Variants in AGFG2 observed in about 807,000 individuals in gnomAD.
The protein encoded by AGFG2 is ArfGAP with FG repeats 2.
Under a neutral mutation model 48.0 loss-of-function variants are expected in AGFG2, and 31 were observed. That is an observed-to-expected ratio of 0.65 (90% CI 0.49 to 0.87). AGFG2 has a LOEUF of 0.87. Ranked by LOEUF, AGFG2 falls within the 40% of genes least tolerant of loss-of-function variation. The pLI is 0.00. For missense variants in AGFG2, 599 were observed against 632.6 expected (o/e 0.95, Z 0.57); for synonymous variants, 229 against 260.8 (o/e 0.88, Z 1.18).
intron 1 of AGFG2, among the ~76,000 whole-genome samples, chr7:100,547,421 A>G (rs1326517637): frequency 6.8e-6 from 1 of 147,310 alleles, no homozygotes; most frequent in East Asian, 2.0e-4. Context: ...TTTTTTTTCC[A>G]TGAGAGTAAA....
chr7:100,563,750 C>G (rs1800932556), intron 9 of AGFG2, 84 bp from the exon 10 acceptor site: 1 of 1,571,698 alleles, frequency 6.4e-7, no homozygotes, highest in Non-Finnish European at 8.6e-7. Context: ...ATCCCATTTT[C>G]CCATCTTGGA....
chr7:100,553,386 C>T lies in AGFG2; in HGVS notation c.471C>T (p.Thr157=), dbSNP rs768643907. ...ACCAAGTCAAGGGGCCCACTTATACCAAAGGCAGTGCCTCCACCCCTGTGC... is the reference window on the plus strand; with the variant it reads ...ACCAAGTCAAGGGGCCCACTTATACTAAAGGCAGTGCCTCCACCCCTGTGC... ...PPDQVKGPTY[T]KGSASTPVQG... is the part of the protein sequence containing the mutation. Residue 157 remains threonine, a synonymous_variant, in exon 4 of 12, where the codon ACC becomes ACT. Transcript: ENST00000300176. 1 of 1,614,186 alleles carries T rather than the reference C, an allele frequency of 6.2e-7. No homozygotes were observed. Among genetic ancestry groups the T allele is most frequent in the Non-Finnish European group, 8.5e-7 (1 of 1,180,040 alleles).
intron 1 of AGFG2, among the ~76,000 whole-genome samples, chr7:100,543,968 T>C (rs1177717845): frequency 6.6e-6 from 1 of 152,262 alleles, no homozygotes; most frequent in African/African-American, 2.4e-5. Flanking sequence ...ACATTTCTAA[T>C]TCTTGGAGGA....
chr7:100,556,385 C>T (rs1168210512), intron 6 of AGFG2: 1 of 243,776 alleles, frequency 4.1e-6, no homozygotes, highest in African/African-American at 2.3e-5. Flanking sequence ...CTCTTCAGGC[C>T]TTCTTAAAGC....
intron 5 of AGFG2, 35 bp downstream of exon 5, chr7:100,554,293 C>T (rs1410952032): frequency 3.2e-6 from 5 of 1,582,070 alleles, no homozygotes; most frequent in Admixed American, 1.8e-5. Flanking sequence ...CTCCCTACAG[C>T]GTATATGCTT....
chr7:100,554,377 C>T, intron 5 of AGFG2, 119 bp downstream of exon 5: 1 of 1,293,070 alleles, frequency 7.7e-7, no homozygotes, highest in Non-Finnish European at 1.0e-6. Flanking sequence ...GTGAGGGTCA[C>T]TCTGAAGCAG....
In AGFG2 at chr7:100,564,995, T is replaced by C; in HGVS notation, c.*4T>C. ...AACCACCAACCCCTTCTTGTAGCACTGTGTTTTTGGGGGGCCTCTTCCCTG... is the reference window on the plus strand; with the variant it reads ...AACCACCAACCCCTTCTTGTAGCACCGTGTTTTTGGGGGGCCTCTTCCCTG... On this transcript the variant is annotated 3_prime_UTR_variant, in exon 12 of 12. Coordinates refer to ENST00000300176, the MANE Select transcript of AGFG2 (RefSeq NM_006076.5). 1.1e-5 allele frequency: 18 copies of C among 1,613,712 alleles called. No individual in the cohort carries two copies. Among genetic ancestry groups the C allele is most frequent in the Non-Finnish European group, 1.5e-5 (18 of 1,179,840 alleles).
chr7:100,558,145 C>T (rs1416447914), intron 6 of AGFG2, among the ~76,000 whole-genome samples: 3 of 152,070 alleles, frequency 2.0e-5, no homozygotes, highest in Non-Finnish European at 4.4e-5. Flanking sequence ...ACCCGGGAGG[C>T]GGAGGTTGCA....
At chr7:100,548,712 T>G (rs1448367626) in intron 1 of AGFG2, 110 bp from the exon 2 acceptor site, 9 of 738,616 alleles carry the variant, frequency 1.2e-5, no homozygotes, top group Non-Finnish European at 1.4e-5. Context: ...TATCTGAGCT[T>G]AGTTTATATG....
rs1800695648 is a variant in AGFG2, at chr7:100,553,646, T to C, written c.585+146T>C. On this transcript the variant is annotated intron_variant, in intron 4 of 11. Coordinates refer to ENST00000300176, the MANE Select transcript of AGFG2 (RefSeq NM_006076.5). ...GGCTCTGCTGTTAACCTGTATCTTG[T>C]ATTTGTCACTTCTGGACCTCATATC... The C allele has an allele frequency of 7.1e-6, 7 of 992,680 alleles. No homozygotes were observed. In the East Asian group the frequency reaches 1.6e-4, roughly 23 times the overall value. 61.5% of individuals were successfully genotyped at this position (992,680 alleles called of 1,614,324 possible).
intron 6 of AGFG2, chr7:100,556,609 C>G: frequency 3.1e-6 from 4 of 1,289,524 alleles, no homozygotes; most frequent in South Asian, 1.2e-5. Context: ...CGGATGCTAA[C>G]TGAAAGTTAC....
chr7:100,543,358 C>A (rs902689989), intron 1 of AGFG2, among the ~76,000 whole-genome samples: 1 of 152,192 alleles, frequency 6.6e-6, no homozygotes, highest in African/African-American at 2.4e-5. Context: ...AGCCACTGTG[C>A]CTGGCCTCGA....
chr7:100,550,458 G>C lies in AGFG2; in HGVS notation c.378G>C (p.Arg126Ser). The C allele has an allele frequency of 6.2e-7, 1 of 1,614,110 alleles. No homozygotes were observed. The highest frequency in any genetic ancestry group is 8.5e-7 in the Non-Finnish European group (1 of 1,180,022). The change falls in exon 3 of 12, where the codon AGG becomes AGC. Residue 126 changes from arginine to serine, a missense_variant. By Grantham distance (110) the Arg-to-Ser change is moderately radical. Coordinates refer to ENST00000300176, the MANE Select transcript of AGFG2 (RefSeq NM_006076.5). The part of the protein sequence containing the change: ...DARTSLVPDS[R>S]DPQKVKEFLQ... ...GGACATCTTTAGTACCAGATTCCAG[G>C]GATCCTCAGAAAGTGAAGGAGTTTC... is the stretch of plus-strand genomic sequence containing the variant.
chr7:100,563,727 A>G, intron 9 of AGFG2, 107 bp from the exon 10 acceptor site: 6 of 1,516,716 alleles, frequency 4.0e-6, no homozygotes, highest in Non-Finnish European at 5.4e-6. Flanking sequence ...TCCTCATGTC[A>G]GGAAAAAACT....
intron 6 of AGFG2, among the ~76,000 whole-genome samples, chr7:100,559,674 TG>T (rs1163134421): frequency 6.6e-6 from 1 of 151,738 alleles, no homozygotes; most frequent in Non-Finnish European, 1.5e-5. Context: ...AATAATTAGC[TG>T]GCCATAGTGG....
intron 9 of AGFG2, 62 bp from the exon 10 acceptor site, chr7:100,563,772 A>G: frequency 6.3e-7 from 1 of 1,598,702 alleles, no homozygotes; most frequent in Non-Finnish European, 8.5e-7. Flanking sequence ...GGACTTAGGA[A>G]AAACAGTTCT....
At chr7:100,564,388 G>A in intron 11 of AGFG2, 85 bp downstream of exon 11, 3 of 1,403,218 alleles carry the variant, frequency 2.1e-6, no homozygotes, top group Non-Finnish European at 3.0e-6. Flanking sequence ...GATGTGAGGT[G>A]GCCCCTGTGC....
In AGFG2 at chr7:100,543,634, T is replaced by C. The variant is rs148954749; in HGVS notation, c.221+4067T>C. Reference sequence around the variant, plus strand: ...AGCCAAAGTTGAATTTCCTAAGATCTGAAGAAAAACACACATTTTAATATT... The same window carrying C: ...AGCCAAAGTTGAATTTCCTAAGATCCGAAGAAAAACACACATTTTAATATT... On this transcript the variant is annotated intron_variant, in intron 1 of 11. Transcript: ENST00000300176. Among the ~76,000 whole-genome samples, 265 of 152,316 alleles carry C rather than the reference T, an allele frequency of 1.7e-3. 2 individuals are homozygous for C. Among genetic ancestry groups the C allele is most frequent in the African/African-American group, 6.1e-3 (253 of 41,562 alleles).
At chr7:100,555,247 CTGTTG>C (rs1800732634) in intron 5 of AGFG2, among the ~76,000 whole-genome samples, 1 of 98,782 alleles carries the variant, frequency 1.0e-5, no homozygotes, top group Non-Finnish European at 2.2e-5. Flanking sequence ...TTTTCTTTTT[CTGTTG>C]TGTGTGTGTG....
Sources: gnomAD v4.1 joint callset for allele counts (sites outside exome capture counted in the v4.1 genomes callset) on GRCh38, gnomAD v4.1.1 for gene constraint, MANE v1.5 for transcripts, NCBI Gene and HGNC (gene_info 2026-07-23, HGNC 2026-07-21) for gene names.